Variants in NAA40 observed in about 807,000 individuals in gnomAD.
The protein encoded by NAA40 is N-alpha-acetyltransferase 40.
A neutral mutation model predicts 36.6 loss-of-function variants in NAA40; 26 were observed. The ratio of observed to expected loss-of-function variants is 0.71; its 90% CI spans 0.52 to 0.98. NAA40 has a LOEUF of 0.98. Ranked by LOEUF, NAA40 falls within the 50% of genes least tolerant of loss-of-function variation. The pLI is 0.00. For missense variants in NAA40, 237 were observed against 306.5 expected, an observed-to-expected ratio of 0.77 and a Z score of 1.69; for synonymous variants, 129 against 108.4, an observed-to-expected ratio of 1.19 and a Z score of -1.18.
In NAA40 at chr11:63,946,707, C is replaced by T. The variant is rs1300170729; in HGVS notation, c.103-244C>T. On this transcript the variant is annotated intron_variant, in intron 2 of 7. Transcript: ENST00000377793. ...TTGTATGCCCACAGGCTAATGAGGT[C>T]TCCTCTTGCCCTGTCAGGTGATGCC... The T allele has an allele frequency of 5.3e-6, 8 of 1,508,004 alleles. No homozygotes were observed. The Admixed American group carries it at 1.6e-4, about 31-fold the overall frequency. 93.4% of individuals were successfully genotyped at this position (1,508,004 alleles called of 1,614,324 possible). A position where few individuals can be genotyped will look rare whatever the true frequency, so the allele number is the denominator to read the frequency against.
chr11:63,945,575 C>T (rs567030922), intron 1 of NAA40, among the ~76,000 whole-genome samples: 26 of 152,214 alleles, frequency 1.7e-4, no homozygotes, highest in Middle Eastern at 3.4e-3. Context: ...TCAGCTGTTT[C>T]GCTGGGTCCC....
At chr11:63,949,338 A>G (rs1241639549) in intron 3 of NAA40, among the ~76,000 whole-genome samples, 5 of 152,172 alleles carry the variant, frequency 3.3e-5, no homozygotes, top group Non-Finnish European at 7.3e-5. Context: ...ATTTTATTTT[A>G]GATTCGCGGG....
In NAA40 at chr11:63,939,535, G is replaced by A. The variant is rs532057613; in HGVS notation, c.6+433G>A. 1.1e-5 allele frequency: 11 copies of A among 987,082 alleles called. No homozygotes were observed. The Admixed American group carries it at 6.1e-4, about 54-fold the overall frequency. 61.1% of individuals were successfully genotyped at this position (987,082 alleles called of 1,614,324 possible). A position where few individuals can be genotyped will look rare whatever the true frequency, so the allele number is the denominator to read the frequency against. ...AGAGGAAAGAAGGCGCCTAGCCAAG[G>A]TCATATTGTCGGGGGCGTCAGACCC... On this transcript the variant is annotated intron_variant, in intron 1 of 7. Transcript: ENST00000377793.
At chr11:63,944,518 C>T (rs933068871) in intron 1 of NAA40, among the ~76,000 whole-genome samples, 1 of 152,066 alleles carries the variant, frequency 6.6e-6, no homozygotes. Context: ...ACCATATTAA[C>T]CCTCATAAGG....
intron 3 of NAA40, among the ~76,000 whole-genome samples, chr11:63,950,760 C>T (rs1399889733): frequency 6.6e-6 from 1 of 152,212 alleles, no homozygotes; most frequent in Non-Finnish European, 1.5e-5. Context: ...CTGTGCCCGG[C>T]CTCATAGTGT....
At chr11:63,945,222 CTGCCCTGTCACTGGGTG>C (rs1312079890) in intron 1 of NAA40, among the ~76,000 whole-genome samples, 1 of 152,214 alleles carries the variant, frequency 6.6e-6, no homozygotes, top group Non-Finnish European at 1.5e-5. Context: ...CCCCTGCCCT[CTGCCCTGTCACTGGGTG>C]TGCCCTGTCA....
intron 1 of NAA40, among the ~76,000 whole-genome samples, chr11:63,939,780 G>C (rs1942076969): frequency 6.6e-6 from 1 of 152,118 alleles, no homozygotes; most frequent in Non-Finnish European, 1.5e-5. Flanking sequence ...GGTAGTGCAG[G>C]TGTTTTTTGC....
intron 2 of NAA40, chr11:63,946,610 T>C (rs1019197868): frequency 1.6e-6 from 2 of 1,279,788 alleles, no homozygotes; most frequent in Non-Finnish European, 2.0e-6. Context: ...CCATTTGGAG[T>C]TGTAACCAGG....
chr11:63,954,246 C>T, intron 7 of NAA40, 92 bp from the exon 8 acceptor site: 1 of 1,497,750 alleles, frequency 6.7e-7, no homozygotes, highest in Non-Finnish European at 9.0e-7. Context: ...TCCTAAGGGT[C>T]TCATCAGTGT....
At position 63,955,676 on chromosome 11, in the gene NAA40, C is replaced by T. The variant is rs1469838399; in HGVS notation, c.*1197C>T. 1 of 152,462 alleles carries T rather than the reference C, an allele frequency of 6.6e-6. No homozygotes were observed. Among genetic ancestry groups the T allele is most frequent in the Non-Finnish European group, 1.5e-5 (1 of 68,100 alleles). 9.4% of individuals were successfully genotyped at this position (152,462 alleles called of 1,614,324 possible). A position where few individuals can be genotyped will look rare whatever the true frequency, so the allele number is the denominator to read the frequency against. On this transcript the variant is annotated 3_prime_UTR_variant, in exon 8 of 8. Transcript: ENST00000377793. Reference sequence around the variant, plus strand: ...CTCAGTGGCCAACAGTTGCTTTTCTCTCTGGTGTCACCCTGTGGCAACAGG... The same window carrying T: ...CTCAGTGGCCAACAGTTGCTTTTCTTTCTGGTGTCACCCTGTGGCAACAGG...
chr11:63,953,960 G>T lies in NAA40; in HGVS notation c.495-12G>T. 1 of 1,613,148 alleles carries T rather than the reference G, an allele frequency of 6.2e-7. No individual in the cohort carries two copies. Among genetic ancestry groups the T allele is most frequent in the South Asian group, 1.1e-5 (1 of 91,036 alleles). ...TCTCTTTCTAAAAGGCGTTTGCTCTGCTTTCTTCCAGCACACAGATGAAGA... is the reference window on the plus strand; with the variant it reads ...TCTCTTTCTAAAAGGCGTTTGCTCTTCTTTCTTCCAGCACACAGATGAAGA... On this transcript the variant is annotated splice_polypyrimidine_tract_variant and intron_variant, in intron 6 of 7. Transcript: ENST00000377793.
rs963388830 is a variant in NAA40, at chr11:63,952,410, T to C, written c.255T>C (p.Tyr85=). 4 of 1,614,136 alleles carry C rather than the reference T, an allele frequency of 2.5e-6. No homozygotes were observed. Among genetic ancestry groups the C allele is most frequent in the Non-Finnish European group, 3.4e-6 (4 of 1,180,006 alleles). ...TGACTGCTCCCAAATTCCCCAGGTA[T>C]GAGCAGAGCGAGTGGGGCTGGAAGG... The part of the protein sequence containing the change: ...DLTKTNMQTM[Y]EQSEWGWKDR... Residue 85 remains tyrosine (Y), a synonymous_variant, in exon 5 of 8, where the codon TAT becomes TAC. Transcript: ENST00000377793.
chr11:63,952,684 G>A (rs1180278929), intron 5 of NAA40, 72 bp from the exon 6 acceptor site: 3 of 1,602,608 alleles, frequency 1.9e-6, no homozygotes. Flanking sequence ...AGGACTGCAA[G>A]CTCCTCTGCC....
intron 1 of NAA40, among the ~76,000 whole-genome samples, chr11:63,940,972 A>C (rs1942099763): frequency 1.3e-5 from 2 of 152,232 alleles, no homozygotes; most frequent in South Asian, 2.1e-4. Flanking sequence ...ATTAAGCAGA[A>C]AACAAGAAGT....
At chr11:63,953,712 C>T (rs1453724310) in intron 6 of NAA40, among the ~76,000 whole-genome samples, 2 of 152,244 alleles carry the variant, frequency 1.3e-5, no homozygotes, top group African/African-American at 2.4e-5. Context: ...CTCTACCTCC[C>T]AGGCTCAAGT....
intron 1 of NAA40, among the ~76,000 whole-genome samples, chr11:63,942,875 A>C (rs905123154): frequency 6.6e-6 from 1 of 152,156 alleles, no homozygotes; most frequent in Non-Finnish European, 1.5e-5. Flanking sequence ...CCAGGTCTAC[A>C]TGAATGAGCC....
At chr11:63,946,115 T>C in intron 2 of NAA40, 180 bp downstream of exon 2, 1 of 599,432 alleles carries the variant, frequency 1.7e-6, no homozygotes, top group South Asian at 2.1e-5. Flanking sequence ...CGCCAGCAGT[T>C]GGCCCAGGTG....
intron 3 of NAA40, among the ~76,000 whole-genome samples, chr11:63,949,028 T>A (rs920971935): frequency 2.7e-4 from 41 of 151,514 alleles, no homozygotes; most frequent in South Asian, 1.5e-3. Flanking sequence ...AAAAAAAAAA[T>A]TTTTTTAATT....
chr11:63,948,163 C>T (rs1942219551), intron 3 of NAA40, among the ~76,000 whole-genome samples: 1 of 152,166 alleles, frequency 6.6e-6, no homozygotes, highest in Non-Finnish European at 1.5e-5. Flanking sequence ...CCTGATGTCT[C>T]TTCAGGACTG....
Sources: gnomAD v4.1 joint callset for allele counts (sites outside exome capture counted in the v4.1 genomes callset) on GRCh38, gnomAD v4.1.1 for gene constraint, MANE v1.5 for transcripts, NCBI Gene and HGNC (gene_info 2026-07-23, HGNC 2026-07-21) for gene names.